ODAD3: variants seen among roughly 807,000 people sequenced by gnomAD.
ODAD3 encodes outer dynein arm-docking complex subunit 3.
In ODAD3, 57 loss-of-function variants were observed where a neutral mutation model predicts 70.9. That is an observed-to-expected ratio of 0.80 (90% CI 0.65 to 1.00). ODAD3 has a LOEUF of 1.00. Among genes scored for constraint, ODAD3 ranks in the 50% least tolerant of loss-of-function variants. The pLI, the probability that ODAD3 is intolerant of heterozygous loss-of-function variation, is 0.00. For synonymous variants in ODAD3, 327 were observed against 315.9 expected, an observed-to-expected ratio of 1.04 and a Z score of -0.37; for missense variants, 797 against 763.9, an observed-to-expected ratio of 1.04 and a Z score of -0.51.
At chr19:11,434,210 C>T (rs1338714466) in intron 1 of ODAD3, among the ~76,000 whole-genome samples, 2 of 133,446 alleles carry the variant, frequency 1.5e-5, no homozygotes, top group Non-Finnish European at 3.1e-5. Flanking sequence ...AAGACCCTGT[C>T]TCAAAAAACA....
chr19:11,434,224 AAC>A lies in ODAD3; in HGVS notation c.244+547_244+548del, dbSNP rs745633011. Among the ~76,000 whole-genome samples, 40 of 147,442 alleles carry A rather than the reference AAC, an allele frequency of 2.7e-4. 1 individual carries two copies. Among genetic ancestry groups the A allele is most frequent in the African/African-American group, 4.9e-4 (19 of 38,560 alleles). ...CAAGACCCTGTCTCAAAAAACAAAAAACAAAACAAAAAAAAACGCGGGTGCAG... is the reference window on the plus strand; with the variant it reads ...CAAGACCCTGTCTCAAAAAACAAAAAAAAACAAAAAAAAACGCGGGTGCAG... On this transcript the variant is annotated intron_variant, in intron 1 of 12. Coordinates refer to ENST00000356392, the MANE Select transcript of ODAD3 (RefSeq NM_145045.5).
At chr19:11,423,755 C>T in intron 8 of ODAD3, 122 bp downstream of exon 8, 1 of 1,012,770 alleles carries the variant, frequency 9.9e-7, no homozygotes, top group African/African-American at 1.6e-5. Context: ...GGTTTGTGAG[C>T]TGAATAACCG....
intron 1 of ODAD3, among the ~76,000 whole-genome samples, chr19:11,432,414 AC>A (rs1429333394): frequency 2.0e-5 from 3 of 151,740 alleles, no homozygotes; most frequent in Non-Finnish European, 4.4e-5. Context: ...ACATCTGGCT[AC>A]TTTATTTTTT....
chr19:11,431,470 C>T (rs552120658), intron 1 of ODAD3, among the ~76,000 whole-genome samples: 17 of 151,712 alleles, frequency 1.1e-4, no homozygotes, highest in Admixed American at 2.6e-4. Context: ...ATGGTAAAAC[C>T]GCATCTCTAC....
intron 2 of ODAD3, 27 bp from the exon 3 acceptor site, chr19:11,430,803 T>G (rs374767437): frequency 4.3e-6 from 7 of 1,613,922 alleles, no homozygotes; most frequent in Non-Finnish European, 5.9e-6. Context: ...CCAGTCACCT[T>G]TCAGCATGCC....
chr19:11,435,283 G>T, upstream of ODAD3: 1 of 1,118,166 alleles, frequency 8.9e-7, no homozygotes, highest in Non-Finnish European at 1.2e-6. Flanking sequence ...AACAGTGGGC[G>T]GGGTAGAGCC....
chr19:11,435,171 A>G (rs1394739946), upstream of ODAD3: 18 of 1,431,608 alleles, frequency 1.3e-5, no homozygotes, highest in Non-Finnish European at 1.6e-5. Flanking sequence ...GTTGCCAGGT[A>G]ACCGCCTCCC....
chr19:11,427,112 T>G, intron 3 of ODAD3, 72 bp from the exon 4 acceptor site: 1 of 1,433,454 alleles, frequency 7.0e-7, no homozygotes. Flanking sequence ...CCTTCCTCCC[T>G]TCCTTCTCCC....
Position 11,420,782 on chromosome 19 carries a change from C to G in ODAD3, c.*53G>C. ...GGGCCCCGTGGGGCCTGCGCTAGAC[C>G]CGGAGGGATCGGGGGCTCCGAAGGG... is the stretch of plus-strand genomic sequence containing the variant. On this transcript the variant is annotated 3_prime_UTR_variant, in exon 13 of 13. Transcript: ENST00000356392. The G allele has an allele frequency of 6.6e-7, 1 of 1,516,254 alleles. No homozygotes were observed. Among genetic ancestry groups the G allele is most frequent in the African/African-American group, 1.4e-5 (1 of 73,114 alleles). 93.9% of individuals were successfully genotyped at this position (1,516,254 alleles called of 1,614,324 possible).
intron 3 of ODAD3, among the ~76,000 whole-genome samples, chr19:11,427,353 G>C (rs1232360421): frequency 8.0e-5 from 12 of 150,826 alleles, no homozygotes; most frequent in Non-Finnish European, 1.6e-4. Flanking sequence ...GGAGTGCTGT[G>C]GTGCAATCTC....
chr19:11,431,942 C>CAAA (rs71164201), intron 1 of ODAD3, among the ~76,000 whole-genome samples: 12 of 64,044 alleles, frequency 1.9e-4, no homozygotes, highest in African/African-American at 5.7e-4. Flanking sequence ...GACTCTGCCT[C>CAAA]AAAAAAAAAA....
In ODAD3 at chr19:11,430,684, C is replaced by CG; in HGVS notation, c.444+14dup. On this transcript the variant is annotated intron_variant, in intron 3 of 12. Coordinates refer to ENST00000356392, the MANE Select transcript of ODAD3 (RefSeq NM_145045.5). ...GCTGGAAATGAAGGAGGAGGTGGGG[C>CG]GAGGGTGGGCAAACCTGTCCTGTCC... The CG allele has an allele frequency of 6.2e-7, 1 of 1,613,740 alleles. No individual in the cohort carries two copies. The highest frequency in any genetic ancestry group is 8.5e-7 in the Non-Finnish European group (1 of 1,179,810).
chr19:11,430,853 C>A lies in ODAD3; in HGVS notation c.366+46G>T, dbSNP rs781194188. On this transcript the variant is annotated intron_variant, in intron 2 of 12. Transcript: ENST00000356392. ...CCAGGTGCTACCTACTTGTCCCCCA[C>A]CATCCACCGCCACGGGAACCCTACA... The A allele has an allele frequency of 1.9e-6, 3 of 1,613,952 alleles. No individual in the cohort carries two copies. The African/African-American group carries it at 4.0e-5, about 22-fold the overall frequency.
chr19:11,425,163 ATG>A (rs1456678981), intron 7 of ODAD3, among the ~76,000 whole-genome samples: 16 of 131,346 alleles, frequency 1.2e-4, no homozygotes, highest in South Asian at 2.3e-4. Context: ...ATATATACAT[ATG>A]TGTATATGTA....
In ODAD3 at chr19:11,420,859, C is replaced by G. The variant is rs764361541; in HGVS notation, c.1764G>C (p.Lys588Asn). ...RSQKLIESHKKHRRSRRS is the reference protein window; with the variant it reads ...RSQKLIESHKNHRRSRRS Reference sequence around the variant, plus strand: ...TCTAGGACCTCCGAGAGCGACGGTGCTTCTTGTGACTTTCGATTAATTTCT... The same window carrying G: ...TCTAGGACCTCCGAGAGCGACGGTGGTTCTTGTGACTTTCGATTAATTTCT... The change falls in exon 13 of 13, where the codon AAG becomes AAC. Residue 588 changes from lysine to asparagine, a missense_variant. Transcript: ENST00000356392. 1 of 1,613,826 alleles carries G rather than the reference C, an allele frequency of 6.2e-7. No homozygotes were observed. Among genetic ancestry groups the G allele is most frequent in the Non-Finnish European group, 8.5e-7 (1 of 1,179,870 alleles).
At chr19:11,435,169 G>GGCT, upstream of ODAD3, 1 of 1,432,338 alleles carries the variant, frequency 7.0e-7, no homozygotes, top group Non-Finnish European at 9.1e-7. Flanking sequence ...CGGTTGCCAG[G>GGCT]TAACCGCCTC....
Position 11,423,987 on chromosome 19 carries a change from G to T in ODAD3, c.1006C>A (p.Gln336Lys). 2 of 1,612,622 alleles carry T rather than the reference G, an allele frequency of 1.2e-6. No individual in the cohort carries two copies. Among genetic ancestry groups the T allele is most frequent in the Non-Finnish European group, 1.7e-6 (2 of 1,179,954 alleles). Residue 336 changes from glutamine to lysine, a missense_variant, in exon 8 of 13, where the codon CAG (glutamine) becomes AAG (lysine). Transcript: ENST00000356392. Reference sequence around the variant, plus strand: ...TCCTCCTTGGCATGCAGGCTGTCCTGGATGGTGTCGTCGGACTGTAGCAGC... The same window carrying T: ...TCCTCCTTGGCATGCAGGCTGTCCTTGATGGTGTCGTCGGACTGTAGCAGC... ...HLLLQSDDTI[Q>K]DSLHAKEEEL...
In ODAD3 at chr19:11,430,940, C is replaced by T. The variant is rs759657067; in HGVS notation, c.325G>A (p.Glu109Lys). 2 of 1,614,074 alleles carry T rather than the reference C, an allele frequency of 1.2e-6. No homozygotes were observed. The highest frequency in any genetic ancestry group is 1.7e-6 in the Non-Finnish European group (2 of 1,180,032). The change falls in exon 2 of 13, where the codon GAG (glutamate) becomes AAG (lysine). Residue 109 changes from glutamate (E) to lysine (K), a missense_variant. Physicochemically the swap from Glu to Lys is moderately conservative, Grantham distance 56. Transcript: ENST00000356392. ...AGCTTTAGTTCCAGTGCCTTAGTCT[C>T]CTTGCGGAGCTGACTGATGGTCTCC... ...NQETISQLRK[E>K]TKALELKLLD...
At position 11,433,486 on chromosome 19, in the gene ODAD3, T is replaced by C. The variant is rs1249183001; in HGVS notation, c.244+1287A>G. 3.9e-5 allele frequency among the ~76,000 whole-genome samples: 6 copies of C among 152,366 alleles called. No homozygotes were observed. The East Asian group carries it at 9.6e-4, about 24-fold the overall frequency. On this transcript the variant is annotated intron_variant, in intron 1 of 12. Coordinates refer to ENST00000356392, the MANE Select transcript of ODAD3 (RefSeq NM_145045.5). The stretch of plus-strand genomic sequence containing the variant: ...GTGCCAGGCACTGTTCTAAGCACTT[T>C]ACACATTTCAGGTACCTATGTTGTA...
Sources: allele counts gnomAD v4.1 joint callset (sites outside exome capture counted in the v4.1 genomes callset), GRCh38; gene constraint gnomAD v4.1.1; transcripts MANE v1.5; gene names NCBI Gene and HGNC (gene_info 2026-07-23, HGNC 2026-07-21).